PCDHGA2: variants seen among roughly 807,000 people sequenced by gnomAD.
PCDHGA2 encodes the protein protocadherin gamma subfamily A, 2.
In PCDHGA2, 40 loss-of-function variants were observed where a neutral mutation model predicts 59.2. The observed-to-expected ratio is 0.68, with a 90% CI of 0.52 to 0.88. The LOEUF is 0.88. PCDHGA2 is among the 40% of genes least tolerant of loss of function. PCDHGA2 has a pLI of 0.00. For synonymous variants in PCDHGA2, 560 were observed against 526.0 expected (o/e 1.06, Z -0.89); for missense variants, 1,226 against 1,204.0 (o/e 1.02, Z -0.27).
chr5:141,433,914 C>A (rs2097664630), intron 1 of PCDHGA2, among the ~76,000 whole-genome samples: 1 of 151,702 alleles, frequency 6.6e-6, no homozygotes, highest in Admixed American at 6.6e-5. Context: ...TTACAATCAC[C>A]TCCAAATGAA....
intron 2 of PCDHGA2, among the ~76,000 whole-genome samples, chr5:141,495,601 G>A (rs1315613802): frequency 3.3e-5 from 5 of 152,004 alleles, no homozygotes; most frequent in South Asian, 2.1e-4. Context: ...CTTAGCTTCC[G>A]TCTTGATTGC....
chr5:141,415,128 G>C (rs376477668), intron 1 of PCDHGA2: 33 of 1,613,528 alleles, frequency 2.0e-5, no homozygotes, highest in Admixed American at 5.0e-5. Context: ...TGGCCGTCCA[G>C]GACCACGGCC....
Position 141,339,046 on chromosome 5 carries a change from G to C in PCDHGA2, c.75G>C (p.Glu25Asp), listed in dbSNP as rs527363897. 6.5e-5 allele frequency: 104 copies of C among 1,609,810 alleles called. 2 individuals carry two copies. In the South Asian group the frequency reaches 1.1e-3, roughly 16 times the overall value. ...GCTTCCTTTTGGCGACCCTGTGGGA[G>C]GCCAGGGCCGGGCAGATTCGCTATT... ...LLCFLLATLWEARAGQIRYSV... is the reference protein window; with the variant it reads ...LLCFLLATLWDARAGQIRYSV... The change falls in exon 1 of 4, where the codon GAG becomes GAC. Residue 25 changes from glutamate to aspartate, a missense_variant. Transcript: ENST00000394576.
Position 141,485,156 on chromosome 5 carries a change from A to G in PCDHGA2, c.2425-9651A>G. The G allele has an allele frequency of 6.3e-7, 1 of 1,599,118 alleles. No homozygotes were observed. The highest frequency in any genetic ancestry group is 8.6e-7 in the Non-Finnish European group (1 of 1,168,318). On this transcript the variant is annotated intron_variant, in intron 1 of 3. Transcript: ENST00000394576. The surrounding 1 kb of genome is among the most constrained non-coding windows in gnomAD (Gnocchi z 5.7). ...ATCCGCGTCTCAGGAGCAAGTAGAG[A>G]ATTAGCGGGCGGCAGCAATGCTCCG... is the stretch of plus-strand genomic sequence containing the variant.
chr5:141,393,056 C>T, intron 1 of PCDHGA2: 2 of 1,613,606 alleles, frequency 1.2e-6, no homozygotes, highest in Non-Finnish European at 1.7e-6. Flanking sequence ...ACCCGCGCAG[C>T]GGCAGCTTGA....
chr5:141,468,464 TC>T (rs2099167734), intron 1 of PCDHGA2: 2 of 152,174 alleles, frequency 1.3e-5, no homozygotes, highest in Admixed American at 1.3e-4. Flanking sequence ...GCAAGTTATT[TC>T]TGAGGAGAAT....
chr5:141,370,281 A>G lies in PCDHGA2; in HGVS notation c.2424+28886A>G, dbSNP rs184302654. The G allele has an allele frequency of 3.3e-5, 30 of 916,904 alleles. No individual in the cohort carries two copies. In the Admixed American group the frequency reaches 8.3e-4, roughly 25 times the overall value. 56.8% of individuals were successfully genotyped at this position (916,904 alleles called of 1,614,324 possible). On this transcript the variant is annotated intron_variant, in intron 1 of 3. Coordinates refer to ENST00000394576, the MANE Select transcript of PCDHGA2 (RefSeq NM_018915.4). ...GCTTCCTGCAGCGGAGACACCCATTAGAGAACCCAAGCACAAAGACAAAGC... is the reference window on the plus strand; with the variant it reads ...GCTTCCTGCAGCGGAGACACCCATTGGAGAACCCAAGCACAAAGACAAAGC...
At chr5:141,430,206 TTATTA>T (rs1267858049) in intron 1 of PCDHGA2, among the ~76,000 whole-genome samples, 2 of 151,984 alleles carry the variant, frequency 1.3e-5, no homozygotes, top group African/African-American at 4.8e-5. Flanking sequence ...AAAGTTTAAA[TTATTA>T]TATTATATGA....
At chr5:141,371,198 C>T (rs1262437618) in intron 1 of PCDHGA2, 124 of 1,613,890 alleles carry the variant, frequency 7.7e-5, no homozygotes, top group Non-Finnish European at 1.0e-4. Context: ...TGGCCATTGA[C>T]ATGGATGAGG....
At chr5:141,445,508 T>C (rs2098468947) in intron 1 of PCDHGA2, among the ~76,000 whole-genome samples, 1 of 152,200 alleles carries the variant, frequency 6.6e-6, no homozygotes, top group Non-Finnish European at 1.5e-5. Context: ...TAATACATGA[T>C]ATTTTACAGG....
At chr5:141,360,775 G>T in intron 1 of PCDHGA2, 1 of 1,613,924 alleles carries the variant, frequency 6.2e-7, no homozygotes, top group South Asian at 1.1e-5. Flanking sequence ...GGTCCTCACA[G>T]CTGTGGATGG....
intron 1 of PCDHGA2, chr5:141,424,773 T>C (rs1398493027): frequency 6.6e-6 from 1 of 152,206 alleles, no homozygotes; most frequent in African/African-American, 2.4e-5. Flanking sequence ...TGGCAAATAG[T>C]ACATTCAGTT....
At chr5:141,419,889 A>T in intron 1 of PCDHGA2, 1 of 1,614,084 alleles carries the variant, frequency 6.2e-7, no homozygotes, top group Middle Eastern at 1.6e-4. Flanking sequence ...GATTTCAGCG[A>T]CCATCCCACA....
chr5:141,448,795 A>T (rs577803435), intron 1 of PCDHGA2, among the ~76,000 whole-genome samples: 1 of 152,086 alleles, frequency 6.6e-6, no homozygotes, highest in African/African-American at 2.4e-5. Context: ...AAAAAAAAAA[A>T]TTAGCCAGGC....
chr5:141,488,980 C>A, intron 1 of PCDHGA2: 1 of 392,340 alleles, frequency 2.5e-6, no homozygotes, highest in Non-Finnish European at 4.5e-6. Flanking sequence ...CAATCAGACT[C>A]AGAGCTGAGG....
In PCDHGA2 at chr5:141,365,655, T is replaced by C. The variant is rs759352758; in HGVS notation, c.2424+24260T>C. On this transcript the variant is annotated intron_variant, in intron 1 of 3. Coordinates refer to ENST00000394576, the MANE Select transcript of PCDHGA2 (RefSeq NM_018915.4). ...ACAGAAAGCCACATCCCCTTGAAAGTAGCAGACGTTAATGACAACCCACCC... is the reference window on the plus strand; with the variant it reads ...ACAGAAAGCCACATCCCCTTGAAAGCAGCAGACGTTAATGACAACCCACCC... 8.7e-6 allele frequency: 14 copies of C among 1,613,386 alleles called. No individual in the cohort carries two copies. Among genetic ancestry groups the C allele is most frequent in the African/African-American group, 4.0e-5 (3 of 74,886 alleles).
At chr5:141,436,691 A>G (rs2097840863) in intron 1 of PCDHGA2, among the ~76,000 whole-genome samples, 1 of 152,226 alleles carries the variant, frequency 6.6e-6, no homozygotes, top group Admixed American at 6.5e-5. Context: ...TATATTTTCA[A>G]TGCCAGCACA....
intron 1 of PCDHGA2, among the ~76,000 whole-genome samples, chr5:141,349,905 C>T (rs1166811840): frequency 6.6e-6 from 1 of 152,002 alleles, no homozygotes; most frequent in Non-Finnish European, 1.5e-5. Flanking sequence ...AACTAGAAAA[C>T]TGAAATGTAA....
rs768342539 is a variant in PCDHGA2, at chr5:141,356,087, C to A, written c.2424+14692C>A. On this transcript the variant is annotated intron_variant, in intron 1 of 3. Coordinates refer to ENST00000394576, the MANE Select transcript of PCDHGA2 (RefSeq NM_018915.4). Reference sequence around the variant, plus strand: ...ATATCACAGCTATTTCAGTTGAATTCTCTGAGTGGGGATATAACAATATTG... The same window carrying A: ...ATATCACAGCTATTTCAGTTGAATTATCTGAGTGGGGATATAACAATATTG... 3.7e-6 allele frequency: 6 copies of A among 1,613,760 alleles called. No individual in the cohort carries two copies. The East Asian group carries it at 8.9e-5, about 24-fold the overall frequency.
Sources: allele counts gnomAD v4.1 joint callset (sites outside exome capture counted in the v4.1 genomes callset), GRCh38; gene constraint gnomAD v4.1.1; non-coding constraint Gnocchi (gnomAD v3.1); transcripts MANE v1.5; gene names NCBI Gene and HGNC (gene_info 2026-07-23, HGNC 2026-07-21).